KANK3: variants seen among roughly 807,000 people sequenced by gnomAD.
The protein encoded by KANK3 is KN motif and ankyrin repeat domain-containing protein 3.
In KANK3, 61 loss-of-function variants were observed where a neutral mutation model predicts 65.4. That is an observed-to-expected ratio of 0.93 (90% CI 0.76 to 1.15). The LOEUF is 1.15. KANK3 is among the 50% of genes most tolerant of loss of function. The probability of loss-of-function intolerance (pLI) is 0.00; values close to 1 mark genes in which losing one functional copy is unlikely to be tolerated. For missense variants in KANK3, 1,187 were observed against 1,178.8 expected, an observed-to-expected ratio of 1.01 and a Z score of -0.10; for synonymous variants, 586 against 543.3, an observed-to-expected ratio of 1.08 and a Z score of -1.09.
Position 8,333,913 on chromosome 19 carries a change from C to G in KANK3, c.1631G>C (p.Gly544Ala). 6.3e-7 allele frequency: 1 copy of G among 1,579,674 alleles called. No individual in the cohort carries two copies. Among genetic ancestry groups the G allele is most frequent in the Non-Finnish European group, 8.6e-7 (1 of 1,165,382 alleles). The change falls in exon 5 of 11, where the codon GGG becomes GCG. Residue 544 changes from glycine to alanine, a missense_variant. By Grantham distance (60) the Gly-to-Ala change is moderately conservative. Around this residue, in one of 3 missense-constraint regions of KANK3, gnomAD observed 1,078 missense variants for 1,038.2 expected, o/e 1.04. Transcript: ENST00000330915. This position sits in a 1 kb window ranked among gnomAD's most constrained non-coding sequence, Gnocchi z 5.0. ...ACAACTAGCGAGCGCCGCTCACCTC[C>G]CCTGTGCCACCTGCTGAGGCTCTGC... ...AEAEPQQVAQ[G>A]RCELSPRLRE...
Position 8,335,602 on chromosome 19 carries a change from C to T in KANK3, c.225G>A (p.Ala75=). The T allele has an allele frequency of 8.1e-7, 1 of 1,232,242 alleles. No homozygotes were observed. The highest frequency in any genetic ancestry group is 1.0e-6 in the Non-Finnish European group (1 of 983,476). The allele number at this position is 1,232,242 out of a possible 1,614,324, so 76.3% of individuals were successfully genotyped here. ...PGPPTSRRPR[A]PRPGLAGARS... ...GTGCGCCCGCGAGGCCGGGCCGGGGCGCGCGGGGACGGCGCGAGGTCGGGG... is the reference window on the plus strand; with the variant it reads ...GTGCGCCCGCGAGGCCGGGCCGGGGTGCGCGGGGACGGCGCGAGGTCGGGG... The change falls in exon 3 of 11, where the codon GCG becomes GCA. Residue 75 remains alanine (A), a synonymous_variant. Coordinates refer to ENST00000330915, the MANE Select transcript of KANK3 (RefSeq NM_198471.3).
intron 7 of KANK3, among the ~76,000 whole-genome samples, chr19:8,327,475 C>CA (rs1444303539): frequency 6.6e-6 from 1 of 151,966 alleles, no homozygotes. Context: ...ACCAAAAATA[C>CA]AAAAAATTAG....
Position 8,324,632 on chromosome 19 carries a change from T to C in KANK3, c.2281A>G (p.Asn761Asp). Residue 761 changes from asparagine (N) to aspartate (D), a missense_variant and splice_region_variant, in exon 9 of 11, where the codon AAT becomes GAT. Physicochemically the swap from Asn to Asp is conservative, Grantham distance 23 (BLOSUM62 1). Coordinates refer to ENST00000330915, the MANE Select transcript of KANK3 (RefSeq NM_198471.3). ...CCAGCCCCATTGTGGGGTCTTACAT[T>C]GTCCAGGATGGCAGGGTCACAGCCT... Reference protein sequence around the residue: ...QPGCDPAILDNEGTSALAIAL... With the variant: ...QPGCDPAILDDEGTSALAIAL... 6.2e-7 allele frequency: 1 copy of C among 1,613,944 alleles called. No individual in the cohort carries two copies. The highest frequency in any genetic ancestry group is 8.5e-7 in the Non-Finnish European group (1 of 1,179,940).
At chr19:8,342,083 C>A (rs1408163090) in intron 1 of KANK3, among the ~76,000 whole-genome samples, 5 of 152,042 alleles carry the variant, frequency 3.3e-5, no homozygotes, top group Admixed American at 3.3e-4. Flanking sequence ...AACCTCTGAG[C>A]CCAGGGTTCA....
intron 10 of KANK3, among the ~76,000 whole-genome samples, chr19:8,323,708 C>A (rs552671635): frequency 6.6e-6 from 1 of 152,084 alleles, no homozygotes; most frequent in Non-Finnish European, 1.5e-5. Flanking sequence ...ACTCTAGCCT[C>A]GGTGACAGAG....
rs113571900 is a variant in KANK3 at position 8,331,117 on chromosome 19, C to T, written c.1936+1897G>A. ...CTGAGGCAGGAGAATGGCGTGAACC[C>T]GGGAGGCGTAGGTTGCAGTGAGCAG... On this transcript the variant is annotated intron_variant, in intron 7 of 10. Transcript: ENST00000330915. Among the ~76,000 whole-genome samples the T allele has an allele frequency of 4.2e-3, 634 of 150,382 alleles. 8 individuals are homozygous for T. Among genetic ancestry groups the T allele is most frequent in the African/African-American group, 0.015 (598 of 41,100 alleles).
rs1397863702 is a variant in KANK3, at chr19:8,334,535, C to T, written c.1292G>A (p.Gly431Glu). ...CACGGCCCTGTCTCCGTCCATGGAT[C>T]CGGGCGAGCTCTCCTGAGTCAAGGA... is the stretch of plus-strand genomic sequence containing the variant. ...APSLTQESSP[G>E]SMDGDRAVAP... Residue 431 changes from glycine (G) to glutamate (E), a missense_variant, in exon 3 of 11, where the codon GGA (glycine) becomes GAA (glutamate). Physicochemically the swap from Gly to Glu is moderately conservative, Grantham distance 98. Transcript: ENST00000330915. The T allele has an allele frequency of 5.6e-6, 9 of 1,602,828 alleles. No individual in the cohort carries two copies. Among genetic ancestry groups the T allele is most frequent in the Non-Finnish European group, 7.6e-6 (9 of 1,179,506 alleles).
chr19:8,323,363 T>C (rs1034865489), intron 10 of KANK3: 2 of 155,184 alleles, frequency 1.3e-5, no homozygotes, highest in African/African-American at 4.8e-5. Context: ...GTGTGGTTTT[T>C]ACTAAGCACA....
In KANK3 at chr19:8,335,458, C is replaced by T. The variant is rs1970619892; in HGVS notation, c.369G>A (p.Ala123=). Residue 123 remains alanine (A), a synonymous_variant, in exon 3 of 11, where the codon GCG becomes GCA. Transcript: ENST00000330915. The stretch of plus-strand genomic sequence containing the variant: ...GCTCGACGCGCGGGTTGCGCACGGG[C>T]GCGCGCGGCGACAGCGGCTGCATCA... ...GLLMQPLSPR[A]PVRNPRVEHT... 8.1e-7 allele frequency: 1 copy of T among 1,228,826 alleles called. No individual in the cohort carries two copies. The highest frequency in any genetic ancestry group is 3.6e-5 in the South Asian group (1 of 27,974). The allele number at this position is 1,228,826 out of a possible 1,614,324, so 76.1% of individuals were successfully genotyped here.
intron 10 of KANK3, 109 bp downstream of exon 10, chr19:8,324,326 ACTGGTTCTGCACCC>A: frequency 1.2e-6 from 1 of 800,992 alleles, no homozygotes; most frequent in Non-Finnish European, 2.0e-6. Context: ...GAATCCAGAC[ACTGGTTCTGCACCC>A]CTGGTGCCAC....
At chr19:8,340,291 T>TATATATATATATATATACACACACAC (rs1472181365) in intron 1 of KANK3, among the ~76,000 whole-genome samples, 1 of 92,862 alleles carries the variant, frequency 1.1e-5, no homozygotes, top group Non-Finnish European at 2.1e-5. Flanking sequence ...TATATATATA[T>TATATATATATATATATACACACACAC]ACACACACAC....
Position 8,328,387 on chromosome 19 carries a change from C to CCACACA in KANK3, c.1937-3297_1937-3292dup, listed in dbSNP as rs55963090. On this transcript the variant is annotated intron_variant, in intron 7 of 10. Transcript: ENST00000330915. ...CTCCACTCTTCACTCACCACCCCCA[C>CCACACA]CACACACACACACACACACACACAC... Among the ~76,000 whole-genome samples the CCACACA allele has an allele frequency of 1.5e-3, 219 of 145,206 alleles. 2 individuals are homozygous for CCACACA. Among genetic ancestry groups the CCACACA allele is most frequent in the Middle Eastern group, 3.4e-3 (1 of 290 alleles).
intron 7 of KANK3, among the ~76,000 whole-genome samples, chr19:8,326,807 A>G (rs1970437578): frequency 7.1e-6 from 1 of 140,072 alleles, no homozygotes; most frequent in Non-Finnish European, 1.5e-5. Flanking sequence ...TCAGAAAAAA[A>G]AAAAAAAACC....
In KANK3 at chr19:8,334,689, C is replaced by T. The variant is rs1970595884; in HGVS notation, c.1138G>A (p.Glu380Lys). Residue 380 changes from glutamate to lysine, a missense_variant, in exon 3 of 11, where the codon GAG becomes AAG. Physicochemically the swap from Glu to Lys is moderately conservative, Grantham distance 56. Coordinates refer to ENST00000330915, the MANE Select transcript of KANK3 (RefSeq NM_198471.3). ...ELLRGRLREL[E>K]EAREAAEEAA... Reference sequence around the variant, plus strand: ...TCCTCCGCAGCCTCGCGGGCTTCCTCCAGCTCCCGCAACCGGCCCCGCAGA... The same window carrying T: ...TCCTCCGCAGCCTCGCGGGCTTCCTTCAGCTCCCGCAACCGGCCCCGCAGA... 6.5e-7 allele frequency: 1 copy of T among 1,533,560 alleles called. No individual in the cohort carries two copies. The highest frequency in any genetic ancestry group is 8.7e-7 in the Non-Finnish European group (1 of 1,146,556). 95.0% of individuals were successfully genotyped at this position (1,533,560 alleles called of 1,614,324 possible). A position where few individuals can be genotyped will look rare whatever the true frequency, so the allele number is the denominator to read the frequency against.
At chr19:8,327,147 C>A (rs1277724784) in intron 7 of KANK3, among the ~76,000 whole-genome samples, 2 of 151,956 alleles carry the variant, frequency 1.3e-5, no homozygotes, top group African/African-American at 2.4e-5. Context: ...AGATGGATAA[C>A]CTAGTGAGGA....
In KANK3 at chr19:8,324,707, C is replaced by T. The variant is rs1162676870; in HGVS notation, c.2206G>A (p.Ala736Thr). The change falls in exon 9 of 11, where the codon GCC (alanine) becomes ACC (threonine). Residue 736 changes from alanine (A) to threonine (T), a missense_variant. By Grantham distance (58) the Ala-to-Thr change is moderately conservative. This residue lies in a region of KANK3 where 1,078 missense variants were observed against 1,038.2 expected (regional missense o/e 1.04). Transcript: ENST00000330915. The part of the protein sequence containing the change: ...DADGATALMC[A>T]SEYGRLDTVR... ...GTGTCCAGGCGCCCATACTCACTGG[C>T]ACACATCAGCGCTGTGGCCCCATCC... 5 of 1,613,938 alleles carry T rather than the reference C, an allele frequency of 3.1e-6. No homozygotes were observed. The highest frequency in any genetic ancestry group is 1.7e-5 in the Admixed American group (1 of 60,018).
intron 7 of KANK3, among the ~76,000 whole-genome samples, chr19:8,326,113 C>T (rs945520177): frequency 7.9e-5 from 12 of 152,114 alleles, no homozygotes; most frequent in Admixed American, 1.3e-4. Flanking sequence ...TGAGCCACCG[C>T]GCCTGGCCAA....
At chr19:8,331,775 C>T (rs1323993198) in intron 7 of KANK3, among the ~76,000 whole-genome samples, 1 of 152,076 alleles carries the variant, frequency 6.6e-6, no homozygotes, top group Non-Finnish European at 1.5e-5. Context: ...GGACAGAGCA[C>T]ATGCTGGCCA....
intron 7 of KANK3, among the ~76,000 whole-genome samples, chr19:8,328,244 G>A (rs755123446): frequency 3.6e-4 from 55 of 152,092 alleles, no homozygotes; most frequent in Admixed American, 1.6e-3. Context: ...GAAACCCCAT[G>A]CCTACAAAAA....
Sources: allele counts gnomAD v4.1 joint callset (sites outside exome capture counted in the v4.1 genomes callset), GRCh38; gene constraint gnomAD v4.1.1; regional missense constraint gnomAD v4.1.1; non-coding constraint Gnocchi (gnomAD v3.1); transcripts MANE v1.5; gene names NCBI Gene and HGNC (gene_info 2026-07-23, HGNC 2026-07-21).